PDE7B: variants seen among roughly 807,000 people sequenced by gnomAD.
PDE7B encodes phosphodiesterase 7B.
A neutral mutation model predicts 56.2 loss-of-function variants in PDE7B; 29 were observed. The ratio of observed to expected loss-of-function variants is 0.52; its 90% confidence interval spans 0.38 to 0.70. PDE7B has a LOEUF of 0.70. Ranked by LOEUF, PDE7B falls within the 30% of genes least tolerant of loss-of-function variation. The pLI, the probability that PDE7B is intolerant of heterozygous loss-of-function variation, is 0.00. For synonymous variants in PDE7B, 197 were observed against 196.9 expected, an observed-to-expected ratio of 1.00 and a Z score of 0.00; for missense variants, 490 against 565.0, an observed-to-expected ratio of 0.87 and a Z score of 1.35.
chr6:136,130,008 T>G (rs535306179), intron 3 of PDE7B, among the ~76,000 whole-genome samples: 1 of 152,308 alleles, frequency 6.6e-6, no homozygotes, highest in East Asian at 1.9e-4. Flanking sequence ...TAGCACGGTA[T>G]GTGTATATTC....
At chr6:136,166,490 G>T in intron 8 of PDE7B, 1 of 156,828 alleles carries the variant, frequency 6.4e-6, no homozygotes, top group South Asian at 1.8e-4. Context: ...CTTCTGGGGA[G>T]ACCTTAGGAA....
At chr6:136,046,771 G>A (rs976260544) in intron 2 of PDE7B, among the ~76,000 whole-genome samples, 3 of 152,000 alleles carry the variant, frequency 2.0e-5, no homozygotes, top group African/African-American at 7.2e-5. Context: ...TATATTAAAG[G>A]GATCTAATAA....
intron 6 of PDE7B, among the ~76,000 whole-genome samples, chr6:136,151,941 A>T (rs80253946): frequency 6.6e-6 from 1 of 151,782 alleles, no homozygotes; most frequent in Non-Finnish European, 1.5e-5. Context: ...CTCTGTCTTA[A>T]AAATAAATAA....
In PDE7B at chr6:136,177,813, A is replaced by G. The variant is rs114816868; in HGVS notation, c.804-1184A>G. Among the ~76,000 whole-genome samples the G allele has an allele frequency of 2.1e-3, 321 of 152,322 alleles. 1 individual carries two copies. Among genetic ancestry groups the G allele is most frequent in the African/African-American group, 7.2e-3 (301 of 41,574 alleles). Reference sequence around the variant, plus strand: ...TCTGCACATGCGTAACTAGAGGTATATAAGAATATTTACTGTGGCTTTTTT... The same window carrying G: ...TCTGCACATGCGTAACTAGAGGTATGTAAGAATATTTACTGTGGCTTTTTT... On this transcript the variant is annotated intron_variant, in intron 9 of 12. Coordinates refer to ENST00000308191, the MANE Select transcript of PDE7B (RefSeq NM_018945.4).
At chr6:135,862,513 G>C (rs1243852915) in intron 1 of PDE7B, among the ~76,000 whole-genome samples, 5 of 151,730 alleles carry the variant, frequency 3.3e-5, no homozygotes, top group Non-Finnish European at 7.4e-5. Flanking sequence ...CCTTATCAAG[G>C]TTCCATTGAC....
chr6:136,026,205 G>A (rs925813021), intron 2 of PDE7B, among the ~76,000 whole-genome samples: 1 of 152,162 alleles, frequency 6.6e-6, no homozygotes, highest in African/African-American at 2.4e-5. Context: ...CTGATTTGAA[G>A]AAACCACCCC....
At chr6:136,039,242 A>G (rs1216741274) in intron 2 of PDE7B, among the ~76,000 whole-genome samples, 1 of 152,142 alleles carries the variant, frequency 6.6e-6, no homozygotes, top group African/African-American at 2.4e-5. Flanking sequence ...CAAGACACCC[A>G]GCATGCCTGG....
At chr6:135,917,621 G>A (rs1486381343) in intron 1 of PDE7B, among the ~76,000 whole-genome samples, 1 of 151,174 alleles carries the variant, frequency 6.6e-6, no homozygotes, top group African/African-American at 2.4e-5. Context: ...TTTTATTGTT[G>A]TTGTTGTTAG....
At chr6:135,925,666 A>G (rs1287164185) in intron 1 of PDE7B, among the ~76,000 whole-genome samples, 1 of 152,208 alleles carries the variant, frequency 6.6e-6, no homozygotes. Context: ...CTTAAAAGAC[A>G]ACAAAAAAGC....
intron 2 of PDE7B, among the ~76,000 whole-genome samples, chr6:136,055,598 G>A (rs1776715575): frequency 1.3e-5 from 2 of 152,178 alleles, no homozygotes; most frequent in Non-Finnish European, 2.9e-5. Flanking sequence ...CAAAGATCCA[G>A]AAAGACTGGA....
At chr6:136,044,559 G>C (rs898262746) in intron 2 of PDE7B, 2 of 152,126 alleles carry the variant, frequency 1.3e-5, no homozygotes, top group Admixed American at 1.3e-4. Flanking sequence ...GAATACACAA[G>C]AGTGAAGTTC....
chr6:136,141,130 G>C (rs1271407655), intron 3 of PDE7B, among the ~76,000 whole-genome samples: 2 of 152,062 alleles, frequency 1.3e-5, no homozygotes, highest in African/African-American at 2.4e-5. Flanking sequence ...ATTATTTTGA[G>C]ATACGTCCCA....
At chr6:136,015,042 CACACAG>C (rs1420793966) in intron 2 of PDE7B, among the ~76,000 whole-genome samples, 13 of 152,336 alleles carry the variant, frequency 8.5e-5, no homozygotes, top group African/African-American at 3.1e-4. Flanking sequence ...CGTGTGCAAG[CACACAG>C]ACACGCACAC....
intron 2 of PDE7B, among the ~76,000 whole-genome samples, chr6:135,956,779 CAAAAA>C (rs1241400356): frequency 6.9e-6 from 1 of 144,000 alleles, no homozygotes; most frequent in Non-Finnish European, 1.5e-5. Flanking sequence ...AAGACCCTCT[CAAAAA>C]GAAAAGAAAA....
At position 136,148,697 on chromosome 6, in the gene PDE7B, C is replaced by G. The variant is rs190210641; in HGVS notation, c.319-390C>G. Among the ~76,000 whole-genome samples the G allele has an allele frequency of 2.1e-3, 320 of 152,262 alleles. 1 individual carries two copies. The highest frequency in any genetic ancestry group is 7.5e-3 in the African/African-American group (313 of 41,552). On this transcript the variant is annotated intron_variant, in intron 4 of 12. Transcript: ENST00000308191. ...GCCCTGGAATGTCACTGACAGAGCACTCTTGGCGGTGTCTCTCCTCTAAGC... is the reference window on the plus strand; with the variant it reads ...GCCCTGGAATGTCACTGACAGAGCAGTCTTGGCGGTGTCTCTCCTCTAAGC...
At chr6:136,122,135 C>T (rs113656749) in intron 3 of PDE7B, among the ~76,000 whole-genome samples, 1 of 151,734 alleles carries the variant, frequency 6.6e-6, no homozygotes, top group African/African-American at 2.4e-5. Flanking sequence ...AGCTGGGACT[C>T]CAGGCGCCCA....
chr6:136,134,327 C>T (rs1778171584), intron 3 of PDE7B, among the ~76,000 whole-genome samples: 2 of 152,144 alleles, frequency 1.3e-5, no homozygotes, highest in African/African-American at 4.8e-5. Flanking sequence ...TAAATGTATG[C>T]TGAGAACTAC....
chr6:136,155,876 C>T (rs750908439), intron 8 of PDE7B, 118 bp downstream of exon 8: 40 of 1,075,732 alleles, frequency 3.7e-5, no homozygotes, highest in South Asian at 2.0e-4. Context: ...AGTTCAAAGA[C>T]GAATGAAACA....
chr6:135,902,528 C>T (rs1776022767), intron 1 of PDE7B, among the ~76,000 whole-genome samples: 1 of 152,126 alleles, frequency 6.6e-6, no homozygotes, highest in African/African-American at 2.4e-5. Context: ...TTTGAGCACT[C>T]TCTAAGCAAT....
Sources: allele counts gnomAD v4.1 joint callset (sites outside exome capture counted in the v4.1 genomes callset), GRCh38; gene constraint gnomAD v4.1.1; transcripts MANE v1.5; gene names NCBI Gene and HGNC (gene_info 2026-07-23, HGNC 2026-07-21).